The following UVRAG variants were observed in gnomAD, a reference collection of about 807,000 sequenced individuals.
The protein encoded by UVRAG is UV radiation resistance-associated gene protein.
UVRAG carries 19 observed loss-of-function variants against 78.0 expected under a neutral mutation model. The ratio of observed to expected loss-of-function variants is 0.24; its 90% CI spans 0.17 to 0.36. UVRAG has a LOEUF of 0.36. Among genes scored for constraint, UVRAG ranks in the 10% least tolerant of loss-of-function variants. UVRAG has a pLI of 1.00. For missense variants in UVRAG, 740 were observed against 853.8 expected, an observed-to-expected ratio of 0.87 and a Z score of 1.66; for synonymous variants, 323 against 324.6, an observed-to-expected ratio of 1.00 and a Z score of 0.05.
At chr11:76,046,061 C>T (rs1444536456) in intron 12 of UVRAG, among the ~76,000 whole-genome samples, 2 of 152,182 alleles carry the variant, frequency 1.3e-5, no homozygotes, top group East Asian at 3.9e-4. Flanking sequence ...ATATCCGACT[C>T]CTCAAAGGCA....
At chr11:76,038,518 T>C (rs1438476585) in intron 12 of UVRAG, among the ~76,000 whole-genome samples, 1 of 152,200 alleles carries the variant, frequency 6.6e-6, no homozygotes, top group Non-Finnish European at 1.5e-5. Context: ...TATATTAAAA[T>C]ACAAATTTTA....
chr11:75,841,228 C>T (rs1465879976), intron 1 of UVRAG, among the ~76,000 whole-genome samples: 1 of 152,112 alleles, frequency 6.6e-6, no homozygotes, highest in Non-Finnish European at 1.5e-5. Context: ...ACTACATTTC[C>T]AAAGGCAAAT....
chr11:76,083,281 T>C (rs1478604208), intron 13 of UVRAG, among the ~76,000 whole-genome samples: 2 of 152,174 alleles, frequency 1.3e-5, no homozygotes, highest in African/African-American at 4.8e-5. Flanking sequence ...AAAAAATAAT[T>C]GAAACATCTG....
At chr11:75,858,271 T>G (rs139642838) in intron 2 of UVRAG, among the ~76,000 whole-genome samples, 1 of 152,302 alleles carries the variant, frequency 6.6e-6, no homozygotes, top group East Asian at 1.9e-4. Context: ...ACTCATTTCT[T>G]GTTTGTCTTT....
intron 6 of UVRAG, among the ~76,000 whole-genome samples, chr11:75,958,119 T>C (rs867423494): frequency 5.3e-5 from 8 of 152,344 alleles, no homozygotes; most frequent in African/African-American, 1.9e-4. Context: ...TTTTTGCTGG[T>C]GGAGGGTCTT....
At chr11:76,027,562 C>A (rs778641466) in intron 12 of UVRAG, among the ~76,000 whole-genome samples, 1 of 150,704 alleles carries the variant, frequency 6.6e-6, no homozygotes, top group Non-Finnish European at 1.5e-5. Flanking sequence ...GCAATGTTCT[C>A]CTCTCTGAGT....
intron 8 of UVRAG, among the ~76,000 whole-genome samples, chr11:75,996,245 C>CAA (rs5792707): frequency 6.9e-6 from 1 of 145,796 alleles, no homozygotes; most frequent in African/African-American, 2.5e-5. Context: ...GTAACATTTA[C>CAA]AAAAAAAAAA....
chr11:76,001,322 AT>A (rs1448001050), intron 8 of UVRAG, among the ~76,000 whole-genome samples: 4 of 152,210 alleles, frequency 2.6e-5, no homozygotes, highest in African/African-American at 9.6e-5. Context: ...TTTGAGGTAA[AT>A]TTATAGCATT....
chr11:75,989,045 A>AT (rs969501931), intron 8 of UVRAG, among the ~76,000 whole-genome samples: 13 of 151,410 alleles, frequency 8.6e-5, no homozygotes, highest in Admixed American at 4.6e-4. Flanking sequence ...TTTATTCATC[A>AT]TTTTTTTTAA....
intron 6 of UVRAG, among the ~76,000 whole-genome samples, chr11:75,951,758 G>T (rs1948708167): frequency 6.6e-6 from 1 of 151,972 alleles, no homozygotes; most frequent in Admixed American, 6.6e-5. Context: ...CTTTATGATA[G>T]GTCATAAAAT....
At chr11:76,080,743 G>A (rs1374973070) in intron 13 of UVRAG, among the ~76,000 whole-genome samples, 1 of 152,156 alleles carries the variant, frequency 6.6e-6, no homozygotes, top group Non-Finnish European at 1.5e-5. Context: ...TCCTCTTTAA[G>A]ATTCATTAGC....
At chr11:75,828,294 A>G (rs1945560192) in intron 1 of UVRAG, among the ~76,000 whole-genome samples, 1 of 152,066 alleles carries the variant, frequency 6.6e-6, no homozygotes, top group African/African-American at 2.4e-5. Context: ...GACTGGTGAT[A>G]GTCATACACT....
chr11:76,014,758 A>G (rs961930596), intron 11 of UVRAG, among the ~76,000 whole-genome samples: 3 of 152,242 alleles, frequency 2.0e-5, no homozygotes, highest in Admixed American at 2.0e-4. Context: ...AGTTGGTAGC[A>G]TCAGAGTCAG....
intron 1 of UVRAG, among the ~76,000 whole-genome samples, chr11:75,827,294 G>A (rs964346206): frequency 4.0e-5 from 6 of 151,636 alleles, no homozygotes; most frequent in African/African-American, 7.3e-5. Context: ...CAAGTAATTC[G>A]TGTGTTCATA....
intron 13 of UVRAG, among the ~76,000 whole-genome samples, chr11:76,107,659 G>T (rs1213263274): frequency 3.9e-5 from 6 of 152,086 alleles, no homozygotes; most frequent in African/African-American, 1.4e-4. Context: ...TTCCTTAGAG[G>T]TATATATTGC....
chr11:76,136,799 A>AT (rs959865852), intron 14 of UVRAG, among the ~76,000 whole-genome samples: 1 of 152,296 alleles, frequency 6.6e-6, no homozygotes, highest in Admixed American at 6.5e-5. Flanking sequence ...CACCTGGCCC[A>AT]TAGGGTTTCT....
intron 3 of UVRAG, among the ~76,000 whole-genome samples, chr11:75,875,310 C>T (rs1946742706): frequency 6.6e-6 from 1 of 152,024 alleles, no homozygotes; most frequent in Non-Finnish European, 1.5e-5. Context: ...TGTCACACTC[C>T]CAAGTTTTTT....
At chr11:76,048,090 C>G (rs149602740) in intron 12 of UVRAG, among the ~76,000 whole-genome samples, 60 of 152,298 alleles carry the variant, frequency 3.9e-4, no homozygotes, top group South Asian at 2.3e-3. Flanking sequence ...CACCAGCACA[C>G]TGGCTGATTG....
At chr11:76,059,054 C>T (rs1565141929) in intron 12 of UVRAG, among the ~76,000 whole-genome samples, 1 of 152,190 alleles carries the variant, frequency 6.6e-6, no homozygotes, top group Non-Finnish European at 1.5e-5. Context: ...AAATTTAAAA[C>T]AATAACTGAT....
Sources: allele counts gnomAD v4.1 joint callset (sites outside exome capture counted in the v4.1 genomes callset), GRCh38; gene constraint gnomAD v4.1.1; transcripts MANE v1.5; gene names NCBI Gene and HGNC (gene_info 2026-07-23, HGNC 2026-07-21).